WDR64: variants seen among roughly 807,000 people sequenced by gnomAD.
WDR64 encodes WD repeat-containing protein 64.
WDR64 carries 112 observed loss-of-function variants against 139.3 expected under a neutral mutation model. That is an observed-to-expected ratio of 0.80 (90% CI 0.69 to 0.94). The LOEUF (loss-of-function observed/expected upper bound fraction) is 0.94. WDR64 is among the 40% of genes least tolerant of loss of function. The probability of loss-of-function intolerance (pLI) is 0.00; values close to 1 mark genes in which losing one functional copy is unlikely to be tolerated. For missense variants in WDR64, 1,206 were observed against 1,293.1 expected, an observed-to-expected ratio of 0.93 and a Z score of 1.03; for synonymous variants, 444 against 437.7, an observed-to-expected ratio of 1.01 and a Z score of -0.18.
At chr1:241,749,198 T>C (rs1669886418) in intron 13 of WDR64, among the ~76,000 whole-genome samples, 1 of 152,186 alleles carries the variant, frequency 6.6e-6, no homozygotes, top group Non-Finnish European at 1.5e-5. Context: ...GTAGCGAATA[T>C]TCCCATGTTC....
At chr1:241,683,752 G>A in intron 7 of WDR64, 51 bp downstream of exon 7, 1 of 1,358,490 alleles carries the variant, frequency 7.4e-7, no homozygotes, top group Non-Finnish European at 9.8e-7. Flanking sequence ...ATAGTCTTTT[G>A]CAAGTAAGCT....
chr1:241,726,605 G>A (rs1668851022), intron 10 of WDR64, among the ~76,000 whole-genome samples: 1 of 152,096 alleles, frequency 6.6e-6, no homozygotes, highest in Non-Finnish European at 1.5e-5. Context: ...AAATTATGCT[G>A]TATCCTCATA....
intron 9 of WDR64, among the ~76,000 whole-genome samples, chr1:241,716,721 A>G (rs1668417531): frequency 6.6e-6 from 1 of 152,170 alleles, no homozygotes; most frequent in African/African-American, 2.4e-5. Context: ...AGGCTTTGAG[A>G]GCTTCGCATC....
At chr1:241,740,797 C>T (rs1329999051) in intron 11 of WDR64, among the ~76,000 whole-genome samples, 1 of 151,998 alleles carries the variant, frequency 6.6e-6, no homozygotes, top group African/African-American at 2.4e-5. Flanking sequence ...TCTCGAGTAG[C>T]TGGGATTACA....
intron 15 of WDR64, among the ~76,000 whole-genome samples, chr1:241,763,332 T>G (rs1046174314): frequency 3.9e-4 from 60 of 152,240 alleles, no homozygotes; most frequent in Admixed American, 3.7e-3. Context: ...ATCTCCAATT[T>G]TGAATCTTTA....
At chr1:241,791,495 T>C (rs1659214212) in intron 25 of WDR64, among the ~76,000 whole-genome samples, 1 of 152,124 alleles carries the variant, frequency 6.6e-6, no homozygotes, top group African/African-American at 2.4e-5. Flanking sequence ...AGTGAGACTA[T>C]GTCTCTATTA....
intron 13 of WDR64, 125 bp from the exon 14 acceptor site, chr1:241,749,422 T>C: frequency 5.4e-6 from 6 of 1,102,574 alleles, no homozygotes; most frequent in Non-Finnish European, 7.8e-6. Context: ...CCCATCTGAG[T>C]AGGGAATAAA....
chr1:241,671,221 T>C (rs1232119234), intron 3 of WDR64, 45 bp downstream of exon 3: 2 of 1,285,786 alleles, frequency 1.6e-6, no homozygotes, highest in South Asian at 1.3e-5. Context: ...AGTTTTAATA[T>C]TTTCCTCAAG....
At chr1:241,699,116 T>G (rs1381208234) in intron 8 of WDR64, among the ~76,000 whole-genome samples, 2 of 152,158 alleles carry the variant, frequency 1.3e-5, no homozygotes, top group Non-Finnish European at 1.5e-5. Context: ...GTCCCTCCTA[T>G]GACATGTGAG....
chr1:241,764,853 C>A (rs181059219), intron 15 of WDR64, among the ~76,000 whole-genome samples: 24 of 152,226 alleles, frequency 1.6e-4, no homozygotes, highest in Admixed American at 2.0e-4. Flanking sequence ...GGATTTCTAA[C>A]TTGAATGATG....
At chr1:241,776,984 C>T (rs1444642618) in intron 21 of WDR64, among the ~76,000 whole-genome samples, 1 of 152,184 alleles carries the variant, frequency 6.6e-6, no homozygotes, top group African/African-American at 2.4e-5. Context: ...TTCTATTAGG[C>T]TTCCTTTTTC....
intron 13 of WDR64, among the ~76,000 whole-genome samples, chr1:241,748,528 C>G (rs1669851413): frequency 6.6e-6 from 1 of 152,088 alleles, no homozygotes; most frequent in South Asian, 2.1e-4. Context: ...CAATTTGGGG[C>G]CTTTTTTATA....
At chr1:241,670,945 T>G (rs1666202779) in intron 2 of WDR64, 129 bp from the exon 3 acceptor site, 1 of 623,506 alleles carries the variant, frequency 1.6e-6, no homozygotes, top group African/African-American at 1.9e-5. Flanking sequence ...GGGAACCCCC[T>G]GACATTCACA....
In WDR64 at chr1:241,738,378, G is replaced by T. The variant is rs1250892203; in HGVS notation, c.1210G>T (p.Asp404Tyr). Reference protein sequence around the residue: ...LSSAKVFRVWDIQTLSLLQVF... With the variant: ...LSSAKVFRVWYIQTLSLLQVF... ...ATTCTTCCAGGTTTTCCGGGTGTGG[G>T]ATATACAAACTCTTTCACTATTACA... The change falls in exon 11 of 28, where the codon GAT becomes TAT. Residue 404 changes from aspartate (D) to tyrosine (Y), a missense_variant. Asp to Tyr is a radical substitution (Grantham distance 160, BLOSUM62 -3). Transcript: ENST00000437684. The T allele has an allele frequency of 6.2e-7, 1 of 1,613,466 alleles. No homozygotes were observed.
chr1:241,676,745 GTTTTT>G (rs11342790), intron 4 of WDR64, among the ~76,000 whole-genome samples: 1 of 124,354 alleles, frequency 8.0e-6, no homozygotes. Context: ...AAAATTAATG[GTTTTT>G]TTTTTTTTTT....
intron 25 of WDR64, among the ~76,000 whole-genome samples, chr1:241,791,691 AAAC>A (rs1381826052): frequency 2.0e-5 from 3 of 152,274 alleles, no homozygotes; most frequent in East Asian, 3.9e-4. Flanking sequence ...AAAAAAGAAA[AAAC>A]AACGAAAGAT....
chr1:241,751,168 G>A (rs1669967571), intron 14 of WDR64, among the ~76,000 whole-genome samples: 1 of 151,934 alleles, frequency 6.6e-6, no homozygotes, highest in South Asian at 2.1e-4. Flanking sequence ...TTTAATAAGG[G>A]GGCAGTGATC....
chr1:241,702,257 C>T (rs1452295286), intron 8 of WDR64, among the ~76,000 whole-genome samples: 1 of 151,916 alleles, frequency 6.6e-6, no homozygotes, highest in African/African-American at 2.4e-5. Flanking sequence ...GTATAGTTGC[C>T]CTTGGTAAGG....
At chr1:241,701,294 A>T (rs940654359) in intron 8 of WDR64, among the ~76,000 whole-genome samples, 13 of 143,374 alleles carry the variant, frequency 9.1e-5, no homozygotes, top group Admixed American at 4.0e-4. Flanking sequence ...ACACACACAC[A>T]CTCACACACA....
Sources: gnomAD v4.1 joint callset for allele counts (sites outside exome capture counted in the v4.1 genomes callset) on GRCh38, gnomAD v4.1.1 for gene constraint, MANE v1.5 for transcripts, NCBI Gene and HGNC (gene_info 2026-07-23, HGNC 2026-07-21) for gene names.